PLEKHG3: variants seen among roughly 807,000 people sequenced by gnomAD.
The protein encoded by PLEKHG3 is pleckstrin homology domain-containing family G member 3.
Under a neutral mutation model 94.9 loss-of-function variants are expected in PLEKHG3, and 62 were observed. The observed-to-expected ratio is 0.65, with a 90% CI of 0.53 to 0.81. PLEKHG3 has a LOEUF of 0.81. PLEKHG3 is among the 30% of genes least tolerant of loss of function. The pLI is 0.00. For missense variants in PLEKHG3, 1,461 were observed against 1,619.3 expected, an observed-to-expected ratio of 0.90 and a Z score of 1.68; for synonymous variants, 614 against 654.0, an observed-to-expected ratio of 0.94 and a Z score of 0.93.
At chr14:64,713,518 A>G (rs2081091102) in intron 1 of PLEKHG3, among the ~76,000 whole-genome samples, 1 of 152,232 alleles carries the variant, frequency 6.6e-6, no homozygotes, top group Non-Finnish European at 1.5e-5. Context: ...GTGCCCTTCT[A>G]GAAATTTGGC....
intron 12 of PLEKHG3, among the ~76,000 whole-genome samples, chr14:64,733,721 C>T (rs538820596): frequency 2.6e-5 from 4 of 152,352 alleles, no homozygotes; most frequent in Admixed American, 2.0e-4. Context: ...TTCCATTTTC[C>T]TCCCTTGAGT....
intron 1 of PLEKHG3, among the ~76,000 whole-genome samples, chr14:64,705,333 C>CTTAATTTTTTAA: frequency 6.6e-6 from 1 of 152,356 alleles, no homozygotes; most frequent in South Asian, 2.1e-4. Flanking sequence ...CAGTATAAGG[C>CTTAATTTTTTAA]GTGCAAGCTT....
rs1467900592 is a variant in PLEKHG3 at position 64,723,083 on chromosome 14, G to A, written c.-39-4510G>A. 6.6e-6 allele frequency among the ~76,000 whole-genome samples: 1 copy of A among 152,202 alleles called. No individual in the cohort carries two copies. The highest frequency in any genetic ancestry group is 2.4e-5 in the African/African-American group (1 of 41,446). ...AGTCTGCTGTGCTCGGAATCCAGGGGCCTGCTGTAGCCTGCCTGCCTCTGC... is the reference window on the plus strand; with the variant it reads ...AGTCTGCTGTGCTCGGAATCCAGGGACCTGCTGTAGCCTGCCTGCCTCTGC... On this transcript the variant is annotated intron_variant, in intron 1 of 16. Coordinates refer to ENST00000247226, the MANE Select transcript of PLEKHG3 (RefSeq NM_001308147.2). This position sits in a 1 kb window ranked among gnomAD's most constrained non-coding sequence, Gnocchi z 4.5.
chr14:64,738,979 C>T lies in PLEKHG3; in HGVS notation c.1518+124C>T, dbSNP rs916473828. ...GGCCCATGGGAACAGAGATTCCCCACCTCCCAGGACTCTCAGCCCTGCATG... is the reference window on the plus strand; with the variant it reads ...GGCCCATGGGAACAGAGATTCCCCATCTCCCAGGACTCTCAGCCCTGCATG... On this transcript the variant is annotated intron_variant, in intron 15 of 16. Coordinates refer to ENST00000247226, the MANE Select transcript of PLEKHG3 (RefSeq NM_001308147.2). This position sits in a 1 kb window ranked among gnomAD's most constrained non-coding sequence, Gnocchi z 4.8. 8 of 669,350 alleles carry T rather than the reference C, an allele frequency of 1.2e-5. No homozygotes were observed. The highest frequency in any genetic ancestry group is 1.9e-5 in the Non-Finnish European group (7 of 368,804). The allele number at this position is 669,350 out of a possible 1,614,324, so 41.5% of individuals were successfully genotyped here. A position where few individuals can be genotyped will look rare whatever the true frequency, so the allele number is the denominator to read the frequency against.
chr14:64,747,203 G>C lies in PLEKHG3; in HGVS notation c.*3500G>C, dbSNP rs2081859812. The C allele has an allele frequency of 6.6e-6, 1 of 152,490 alleles. No homozygotes were observed. Among genetic ancestry groups the C allele is most frequent in the South Asian group, 2.1e-4 (1 of 4,836 alleles). The allele number at this position is 152,490 out of a possible 1,614,324, so 9.4% of individuals were successfully genotyped here. ...GGTGCTGATTTGGCACACGTGGAAG[G>C]GGGAGGGTGGGCCCTTGTCCCTAGG... On this transcript the variant is annotated 3_prime_UTR_variant, in exon 17 of 17. Transcript: ENST00000247226.
chr14:64,736,956 G>C, intron 13 of PLEKHG3, 65 bp downstream of exon 13: 1 of 1,224,380 alleles, frequency 8.2e-7, no homozygotes, highest in East Asian at 2.3e-5. Flanking sequence ...AGGGGAAGCA[G>C]CCGACAACCT....
chr14:64,749,829 G>A lies in PLEKHG3; in HGVS notation c.*6126G>A, dbSNP rs1339997921. The A allele has an allele frequency of 2.7e-6, 4 of 1,483,686 alleles. No individual in the cohort carries two copies. The Admixed American group carries it at 5.6e-5, about 21-fold the overall frequency. 91.9% of individuals were successfully genotyped at this position (1,483,686 alleles called of 1,614,324 possible). ...TCAGGCAGCCCAGCACTTTCTGAGA[G>A]GTCAAAGTCTGGACCATCAGCCTCT... On this transcript the variant is annotated 3_prime_UTR_variant, in exon 17 of 17. Transcript: ENST00000247226. This position sits in a 1 kb window ranked among gnomAD's most constrained non-coding sequence, Gnocchi z 4.7.
In PLEKHG3 at chr14:64,747,502, G is replaced by A. The variant is rs1457291391; in HGVS notation, c.*3799G>A. On this transcript the variant is annotated 3_prime_UTR_variant, in exon 17 of 17. Coordinates refer to ENST00000247226, the MANE Select transcript of PLEKHG3 (RefSeq NM_001308147.2). ...CTCACCAGGGCGGGAACCTGGGGAT[G>A]TCAGGCTCCATCGGATGACGTCTTC... 6.5e-6 allele frequency: 1 copy of A among 152,736 alleles called. No homozygotes were observed. The highest frequency in any genetic ancestry group is 1.9e-4 in the East Asian group (1 of 5,186). The allele number at this position is 152,736 out of a possible 1,614,324, so 9.5% of individuals were successfully genotyped here.
Position 64,715,301 on chromosome 14 carries a change from G to A in PLEKHG3, c.-40+10597G>A, listed in dbSNP as rs2081122434. On this transcript the variant is annotated intron_variant, in intron 1 of 16. Transcript: ENST00000247226. The surrounding 1 kb of genome is among the most constrained non-coding windows in gnomAD (Gnocchi z 4.4). ...TTGGCTTCGTCTCTCGGGCCATGTG[G>A]GAGGTTGTGGAGAGAATGGTGAAAG... 6.6e-6 allele frequency among the ~76,000 whole-genome samples: 1 copy of A among 152,192 alleles called. No individual in the cohort carries two copies. Among genetic ancestry groups the A allele is most frequent in the South Asian group, 2.1e-4 (1 of 4,836 alleles).
chr14:64,733,825 C>T (rs1402368493), intron 12 of PLEKHG3, among the ~76,000 whole-genome samples: 4 of 152,198 alleles, frequency 2.6e-5, no homozygotes, highest in Non-Finnish European at 5.9e-5. Context: ...TTCTAAACTC[C>T]GTGGTGATGG....
chr14:64,741,416 G>A lies in PLEKHG3; in HGVS notation c.1899G>A (p.Arg633=). The change falls in exon 16 of 17, where the codon CGG becomes CGA. Residue 633 remains arginine (R), a synonymous_variant. Transcript: ENST00000247226. Reference sequence around the variant, plus strand: ...AGTCCAGTGGCTTTGGGAGCCCGCGGCTGGTCAGCCGGAGCAGCAGCGTGC... The same window carrying A: ...AGTCCAGTGGCTTTGGGAGCCCGCGACTGGTCAGCCGGAGCAGCAGCGTGC... ...DSKSSGFGSP[R]LVSRSSSVLS... The A allele has an allele frequency of 6.2e-7, 1 of 1,612,786 alleles. No individual in the cohort carries two copies. Among genetic ancestry groups the A allele is most frequent in the East Asian group, 2.2e-5 (1 of 44,876 alleles).
intron 1 of PLEKHG3, among the ~76,000 whole-genome samples, chr14:64,724,671 A>G (rs149877002): frequency 0.011 from 1,721 of 152,276 alleles, 35 homozygotes; most frequent in African/African-American, 0.04. Flanking sequence ...ATAAGCCCCA[A>G]TCCTTCAGGT....
chr14:64,729,551 C>T (rs1321281032), intron 3 of PLEKHG3, among the ~76,000 whole-genome samples: 1 of 152,212 alleles, frequency 6.6e-6, no homozygotes, highest in Non-Finnish European at 1.5e-5. Context: ...AAGGCCTGAC[C>T]AGGGGCTGTG....
rs2081263071 is a variant in PLEKHG3, at chr14:64,721,600, T to C, written c.-39-5993T>C. On this transcript the variant is annotated intron_variant, in intron 1 of 16. Transcript: ENST00000247226. This position sits in a 1 kb window ranked among gnomAD's most constrained non-coding sequence, Gnocchi z 4.3. The stretch of plus-strand genomic sequence containing the variant: ...GGTGGCCCAGAAACCTTGGTCACAC[T>C]GTTGGCACAGCCTCTGCAGGCAGTC... 6.6e-6 allele frequency among the ~76,000 whole-genome samples: 1 copy of C among 152,242 alleles called. No homozygotes were observed. The highest frequency in any genetic ancestry group is 2.4e-5 in the African/African-American group (1 of 41,474).
In PLEKHG3 at chr14:64,749,538, A is replaced by G; in HGVS notation, c.*5835A>G. ...AGCCCCCCACCTCCCGGGCCAGGCAACAATGGTGGGGGCTCTTGGGACTGC... is the reference window on the plus strand; with the variant it reads ...AGCCCCCCACCTCCCGGGCCAGGCAGCAATGGTGGGGGCTCTTGGGACTGC... On this transcript the variant is annotated 3_prime_UTR_variant, in exon 17 of 17. Transcript: ENST00000247226. This position sits in a 1 kb window ranked among gnomAD's most constrained non-coding sequence, Gnocchi z 4.7. 1 of 1,600,796 alleles carries G rather than the reference A, an allele frequency of 6.2e-7. No homozygotes were observed. Among genetic ancestry groups the G allele is most frequent in the Non-Finnish European group, 8.5e-7 (1 of 1,178,122 alleles).
intron 1 of PLEKHG3, among the ~76,000 whole-genome samples, chr14:64,712,663 G>T (rs1056534880): frequency 5.3e-5 from 8 of 152,134 alleles, no homozygotes; most frequent in African/African-American, 1.7e-4. Flanking sequence ...TGTTGATCTT[G>T]TATTCTGGTA....
At chr14:64,733,490 A>G (rs1217659082) in intron 12 of PLEKHG3, among the ~76,000 whole-genome samples, 2 of 152,104 alleles carry the variant, frequency 1.3e-5, no homozygotes, top group African/African-American at 4.8e-5. Flanking sequence ...TCAAGGCCCT[A>G]GGAATACTTG....
In PLEKHG3 at chr14:64,716,496, A is replaced by AACACACACACACACACACACACAC. The variant is rs58480790; in HGVS notation, c.-39-11065_-39-11042dup. 6.3e-5 allele frequency among the ~76,000 whole-genome samples: 5 copies of AACACACACACACACACACACACAC among 79,544 alleles called. No individual in the cohort carries two copies. The highest frequency in any genetic ancestry group is 4.9e-4 in the East Asian group (1 of 2,044). 52.2% of individuals were successfully genotyped at this position (79,544 alleles called of 152,430 possible). ...ACACACACACAACACACACACACAC[A>AACACACACACACACACACACACAC]ACACACACACACACACACACACACA... is the stretch of plus-strand genomic sequence containing the variant. On this transcript the variant is annotated intron_variant, in intron 1 of 16. Coordinates refer to ENST00000247226, the MANE Select transcript of PLEKHG3 (RefSeq NM_001308147.2). This position sits in a 1 kb window ranked among gnomAD's most constrained non-coding sequence, Gnocchi z 5.0.
intron 12 of PLEKHG3, among the ~76,000 whole-genome samples, chr14:64,734,854 G>A (rs2139388446): frequency 6.6e-6 from 1 of 152,012 alleles, no homozygotes; most frequent in Middle Eastern, 3.4e-3. Context: ...CCGAGTAGCT[G>A]GGATTACAGG....
Sources: allele counts gnomAD v4.1 joint callset (sites outside exome capture counted in the v4.1 genomes callset), GRCh38; gene constraint gnomAD v4.1.1; non-coding constraint Gnocchi (gnomAD v3.1); transcripts MANE v1.5; gene names NCBI Gene and HGNC (gene_info 2026-07-23, HGNC 2026-07-21).